Variants in NMBR observed in about 807,000 individuals in gnomAD.
NMBR encodes neuromedin B receptor, also known as neuromedin-B receptor.
In NMBR, 16 loss-of-function variants were observed where a neutral mutation model predicts 20.5. The observed-to-expected ratio is 0.78, with a 90% confidence interval of 0.53 to 1.19. The LOEUF is 1.19. Among genes scored for constraint, NMBR ranks in the 50% most tolerant of loss-of-function variants. NMBR has a pLI of 0.00. For synonymous variants in NMBR, 212 were observed against 196.6 expected, an observed-to-expected ratio of 1.08 and a Z score of -0.65; for missense variants, 582 against 499.1, an observed-to-expected ratio of 1.17 and a Z score of -1.58.
In NMBR at chr6:142,147,062, C is replaced by A. The variant is rs1038005607; in HGVS notation, c.-682G>T. 1 of 561,616 alleles carries A rather than the reference C, an allele frequency of 1.8e-6. No homozygotes were observed. 34.8% of individuals were successfully genotyped at this position (561,616 alleles called of 1,614,324 possible). On this transcript the variant is annotated 5_prime_UTR_variant, in exon 1 of 4. Transcript: ENST00000258042. ...CTCCTACCAGCAGAGAGCGCTAGCG[C>A]CATGCGCGGCATAAGCGCCAAAATG...
In NMBR at chr6:142,088,799, C is replaced by T. The variant is rs1482490690; in HGVS notation, c.-141G>A. On this transcript the variant is annotated 5_prime_UTR_variant, in exon 2 of 4. The change creates a new upstream start codon in the 5' untranslated region. Transcript: ENST00000258042. ...TGTCCGCGGGGCAAGCCTCACAGCA[C>T]CACGTCCCTAAGAGTTCAGGACCTG... The T allele has an allele frequency of 2.8e-6, 2 of 725,326 alleles. No individual in the cohort carries two copies. Among genetic ancestry groups the T allele is most frequent in the Non-Finnish European group, 4.5e-6 (2 of 449,040 alleles). The allele number at this position is 725,326 out of a possible 1,614,324, so 44.9% of individuals were successfully genotyped here. A position where few individuals can be genotyped will look rare whatever the true frequency, so the allele number is the denominator to read the frequency against.
chr6:142,143,993 GTATA>G (rs994416737), intron 1 of NMBR, among the ~76,000 whole-genome samples: 17 of 152,148 alleles, frequency 1.1e-4, no homozygotes, highest in Non-Finnish European at 2.2e-4. Flanking sequence ...CATTATATTC[GTATA>G]TAGTTAGCTT....
chr6:142,112,733 A>G (rs1398780733), intron 1 of NMBR, among the ~76,000 whole-genome samples: 1 of 152,232 alleles, frequency 6.6e-6, no homozygotes, highest in Non-Finnish European at 1.5e-5. Context: ...AAGTAACAAA[A>G]GGATGACAAT....
intron 1 of NMBR, among the ~76,000 whole-genome samples, chr6:142,103,435 T>C (rs1232766883): frequency 6.6e-6 from 1 of 152,194 alleles, no homozygotes; most frequent in African/African-American, 2.4e-5. Context: ...AGGAATGAGT[T>C]TGATAACCAA....
intron 3 of NMBR, 77 bp from the exon 4 acceptor site, chr6:142,076,126 A>G (rs1483111704): frequency 3.2e-6 from 4 of 1,269,836 alleles, no homozygotes; most frequent in African/African-American, 1.5e-5. Flanking sequence ...TCAAGTCAGG[A>G]AAGAGCAAAA....
At chr6:142,076,839 T>C (rs34412522) in intron 3 of NMBR, among the ~76,000 whole-genome samples, 5,439 of 152,322 alleles carry the variant, frequency 0.036, 164 homozygotes, top group Non-Finnish European at 0.057. Context: ...TACCAATTTA[T>C]TGAAAGACAT....
chr6:142,084,150 A>G (rs1215967859), intron 2 of NMBR, among the ~76,000 whole-genome samples: 1 of 152,228 alleles, frequency 6.6e-6, no homozygotes, highest in South Asian at 2.1e-4. Context: ...AGACTGATGG[A>G]AAAGTCCTAT....
chr6:142,107,347 T>C (rs894359296), intron 1 of NMBR, among the ~76,000 whole-genome samples: 2 of 152,186 alleles, frequency 1.3e-5, no homozygotes, highest in African/African-American at 4.8e-5. Context: ...CCCAAGGCAC[T>C]ACTAAAAACT....
chr6:142,110,099 T>C (rs541087371), intron 1 of NMBR, among the ~76,000 whole-genome samples: 125 of 152,314 alleles, frequency 8.2e-4, no homozygotes, highest in African/African-American at 2.8e-3. Context: ...TATGAAGAAA[T>C]TCAATCCCTT....
At chr6:142,138,408 G>A (rs909054161) in intron 1 of NMBR, among the ~76,000 whole-genome samples, 3 of 152,026 alleles carry the variant, frequency 2.0e-5, no homozygotes, top group Non-Finnish European at 4.4e-5. Flanking sequence ...TATTTAACAA[G>A]TACTGCATTA....
intron 1 of NMBR, among the ~76,000 whole-genome samples, chr6:142,100,816 T>C (rs974442320): frequency 2.0e-5 from 3 of 152,216 alleles, no homozygotes; most frequent in African/African-American, 7.2e-5. Flanking sequence ...ATAGGAGACA[T>C]AACTATACTT....
chr6:142,133,146 C>G (rs1778174807), intron 1 of NMBR: 1 of 668,668 alleles, frequency 1.5e-6, no homozygotes, highest in South Asian at 1.6e-5. Context: ...GCCAGGATAA[C>G]ATCTCCTGAG....
chr6:142,135,325 T>C (rs1184125541), intron 1 of NMBR, among the ~76,000 whole-genome samples: 2 of 152,140 alleles, frequency 1.3e-5, no homozygotes, highest in Admixed American at 6.6e-5. Flanking sequence ...TGTGGAACTA[T>C]ACAGTTTTAA....
chr6:142,124,823 A>G (rs1317563265), intron 1 of NMBR, among the ~76,000 whole-genome samples: 2 of 151,932 alleles, frequency 1.3e-5, no homozygotes, highest in East Asian at 1.9e-4. Flanking sequence ...GAGCAAGTAC[A>G]ATACTTCTAA....
At chr6:142,121,479 A>G (rs1777942972) in intron 1 of NMBR, among the ~76,000 whole-genome samples, 1 of 151,994 alleles carries the variant, frequency 6.6e-6, no homozygotes, top group South Asian at 2.1e-4. Flanking sequence ...GAAGGAAATT[A>G]AAAGTGCTAC....
chr6:142,092,092 T>C (rs1477936084), intron 1 of NMBR, among the ~76,000 whole-genome samples: 1 of 152,194 alleles, frequency 6.6e-6, no homozygotes, highest in Non-Finnish European at 1.5e-5. Context: ...ATCATTGTTA[T>C]TTAACACACT....
intron 1 of NMBR, among the ~76,000 whole-genome samples, chr6:142,128,667 C>T (rs573840697): frequency 3.3e-5 from 5 of 152,134 alleles, no homozygotes; most frequent in African/African-American, 1.2e-4. Context: ...TGGTATATCA[C>T]ATTTACTGAT....
chr6:142,134,590 G>T, intron 1 of NMBR: 4 of 650,734 alleles, frequency 6.1e-6, no homozygotes, highest in Non-Finnish European at 1.1e-5. Flanking sequence ...CCACCTTTAT[G>T]CTGCATGTAA....
chr6:142,106,140 A>T (rs1422498663), intron 1 of NMBR, among the ~76,000 whole-genome samples: 1 of 152,178 alleles, frequency 6.6e-6, no homozygotes, highest in Non-Finnish European at 1.5e-5. Context: ...GAAGGTTATG[A>T]CCTGTCTGAG....
Sources: gnomAD v4.1 joint callset for allele counts (sites outside exome capture counted in the v4.1 genomes callset) on GRCh38, gnomAD v4.1.1 for gene constraint, MANE v1.5 for transcripts, NCBI Gene and HGNC (gene_info 2026-07-23, HGNC 2026-07-21) for gene names.